The following SDK1 variants were observed in gnomAD, a reference collection of about 807,000 sequenced individuals.
The protein encoded by SDK1 is protein sidekick-1.
In SDK1, 157 loss-of-function variants were observed where a neutral mutation model predicts 245.5. The ratio of observed to expected loss-of-function variants is 0.64; its 90% confidence interval spans 0.56 to 0.73. The LOEUF (loss-of-function observed/expected upper bound fraction) is 0.73, where lower values mean the gene tolerates loss of function less well. Ranked by LOEUF, SDK1 falls within the 30% of genes least tolerant of loss-of-function variation. SDK1 has a pLI of 0.00. For synonymous variants in SDK1, 1,647 were observed against 1,278.5 expected, an observed-to-expected ratio of 1.29 and a Z score of -6.15; for missense variants, 3,583 against 3,002.3, an observed-to-expected ratio of 1.19 and a Z score of -4.52.
rs776743996 is a variant in SDK1, at chr7:4,145,846, G to A, written c.4353G>A (p.Arg1451=). The change falls in exon 29 of 45, where the codon AGG becomes AGA. Residue 1451 remains arginine (R), a synonymous_variant. Transcript: ENST00000404826. Reference sequence around the variant, plus strand: ...CCCCGGAGTCCGCATACATCTTCAGGCTGTCCGCCAAGACGAGGCAGGGCT... The same window carrying A: ...CCCCGGAGTCCGCATACATCTTCAGACTGTCCGCCAAGACGAGGCAGGGCT... ...DLAPESAYIF[R]LSAKTRQGWG... 6 of 1,613,702 alleles carry A rather than the reference G, an allele frequency of 3.7e-6. No homozygotes were observed. In the East Asian group the frequency reaches 1.1e-4, roughly 30 times the overall value.
At chr7:4,115,728 T>G (rs1783663268) in intron 25 of SDK1, among the ~76,000 whole-genome samples, 1 of 152,156 alleles carries the variant, frequency 6.6e-6, no homozygotes, top group African/African-American at 2.4e-5. Context: ...GGATCTGCCC[T>G]CTCTGCAACC....
intron 1 of SDK1, among the ~76,000 whole-genome samples, chr7:3,564,869 AGTACCT>A (rs1779860027): frequency 6.6e-6 from 1 of 152,148 alleles, no homozygotes; most frequent in Non-Finnish European, 1.5e-5. Context: ...CCTCGATTAC[AGTACCT>A]GTGAATGTAA....
intron 4 of SDK1, among the ~76,000 whole-genome samples, chr7:3,648,817 G>C (rs940793487): frequency 6.6e-6 from 1 of 152,098 alleles, no homozygotes; most frequent in Non-Finnish European, 1.5e-5. Context: ...GAGTAGATAC[G>C]GGTTCCAGGC....
intron 4 of SDK1, among the ~76,000 whole-genome samples, chr7:3,668,648 G>A (rs1277236985): frequency 3.3e-5 from 5 of 152,224 alleles, no homozygotes; most frequent in East Asian, 1.9e-4. Flanking sequence ...AAAATTAGCC[G>A]AGTGTGGTGG....
rs552908975 is a variant in SDK1 at position 3,569,576 on chromosome 7, T to G, written c.299-49504T>G. Among the ~76,000 whole-genome samples the G allele has an allele frequency of 1.8e-3, 280 of 152,366 alleles. 1 individual carries two copies. The highest frequency in any genetic ancestry group is 6.1e-3 in the African/African-American group (254 of 41,596). On this transcript the variant is annotated intron_variant, in intron 1 of 44. Transcript: ENST00000404826. The stretch of plus-strand genomic sequence containing the variant: ...AGGCCAGGGTGTCTGTGCCCACGGT[T>G]CATCATTGGTGTCTGCTTTGCATTC...
At chr7:3,377,906 GT>G (rs1781394357) in intron 1 of SDK1, among the ~76,000 whole-genome samples, 1 of 152,072 alleles carries the variant, frequency 6.6e-6, no homozygotes, top group Admixed American at 6.5e-5. Context: ...AGCCTCCCGA[GT>G]AGCTGGGATT....
intron 40 of SDK1, among the ~76,000 whole-genome samples, chr7:4,223,544 A>G (rs764553316): frequency 6.6e-6 from 1 of 152,194 alleles, no homozygotes; most frequent in East Asian, 1.9e-4. Context: ...TGCTTCACCC[A>G]TCTCTGCCTT....
intron 4 of SDK1, among the ~76,000 whole-genome samples, chr7:3,699,636 A>T (rs763355258): frequency 6.6e-6 from 1 of 152,190 alleles, no homozygotes; most frequent in Non-Finnish European, 1.5e-5. Flanking sequence ...AGCCTCAGAG[A>T]TTTCTGGGAC....
chr7:4,239,906 G>A (rs1450765573), intron 42 of SDK1, among the ~76,000 whole-genome samples: 1 of 152,198 alleles, frequency 6.6e-6, no homozygotes, highest in Non-Finnish European at 1.5e-5. Flanking sequence ...GCCAGGCAGA[G>A]TAGGTTCCTG....
intron 1 of SDK1, among the ~76,000 whole-genome samples, chr7:3,521,199 G>C (rs1274572117): frequency 6.6e-6 from 1 of 152,162 alleles, no homozygotes; most frequent in Non-Finnish European, 1.5e-5. Context: ...TCCAGCAAGA[G>C]CAGCTTGAGA....
At chr7:4,263,513 C>T (rs543809413) in intron 44 of SDK1, among the ~76,000 whole-genome samples, 91 of 99,378 alleles carry the variant, frequency 9.2e-4, no homozygotes, top group African/African-American at 3.6e-3. Context: ...GCCACGTAGA[C>T]CTCTCCTGAG....
intron 17 of SDK1, among the ~76,000 whole-genome samples, chr7:4,033,177 A>G (rs532275963): frequency 4.0e-4 from 61 of 152,226 alleles, no homozygotes; most frequent in Non-Finnish European, 6.5e-4. Flanking sequence ...GCAATTTAGT[A>G]TATAATAAAA....
At chr7:4,035,591 C>CT (rs1373720977) in intron 17 of SDK1, among the ~76,000 whole-genome samples, 1 of 152,140 alleles carries the variant, frequency 6.6e-6, no homozygotes, top group Non-Finnish European at 1.5e-5. Flanking sequence ...ATGTTGATGT[C>CT]TTTGGGAAAT....
At chr7:4,215,499 A>G (rs1187505293) in intron 38 of SDK1, among the ~76,000 whole-genome samples, 1 of 152,140 alleles carries the variant, frequency 6.6e-6, no homozygotes, top group Non-Finnish European at 1.5e-5. Context: ...CCATGTGAAC[A>G]CACCTGGGCT....
At chr7:3,549,997 C>A (rs1185679888) in intron 1 of SDK1, among the ~76,000 whole-genome samples, 1 of 152,002 alleles carries the variant, frequency 6.6e-6, no homozygotes, top group Non-Finnish European at 1.5e-5. Flanking sequence ...TATTTTAAGT[C>A]TGTAATATGC....
At chr7:4,163,521 C>A (rs1781302988) in intron 32 of SDK1, among the ~76,000 whole-genome samples, 1 of 152,120 alleles carries the variant, frequency 6.6e-6, no homozygotes, top group Non-Finnish European at 1.5e-5. Flanking sequence ...CCAAGGCCAC[C>A]AGTAGGTGTC....
chr7:3,851,585 A>G (rs1205801947), intron 5 of SDK1, among the ~76,000 whole-genome samples: 3 of 150,618 alleles, frequency 2.0e-5, no homozygotes, highest in Non-Finnish European at 4.4e-5. Context: ...AAAGCTTGCC[A>G]ATCATGCCGG....
At chr7:4,151,818 A>C (rs1282669604) in intron 30 of SDK1, among the ~76,000 whole-genome samples, 1 of 152,206 alleles carries the variant, frequency 6.6e-6, no homozygotes, top group Non-Finnish European at 1.5e-5. Context: ...TAAGTAACGC[A>C]TATGCAGGTG....
intron 14 of SDK1, among the ~76,000 whole-genome samples, chr7:3,993,714 C>T (rs924095456): frequency 3.3e-5 from 5 of 152,138 alleles, no homozygotes; most frequent in Non-Finnish European, 7.4e-5. Context: ...GGACTTGGCT[C>T]CCTCTTTATT....
Sources: allele counts gnomAD v4.1 joint callset (sites outside exome capture counted in the v4.1 genomes callset), GRCh38; gene constraint gnomAD v4.1.1; transcripts MANE v1.5; gene names NCBI Gene and HGNC (gene_info 2026-07-23, HGNC 2026-07-21).